ENPP2: variants seen among roughly 807,000 people sequenced by gnomAD.
ENPP2 encodes ectonucleotide pyrophosphatase/phosphodiesterase 2, also known as autotaxin.
Under a neutral mutation model 120.2 loss-of-function variants are expected in ENPP2, and 51 were observed. The ratio of observed to expected loss-of-function variants is 0.42; its 90% CI spans 0.34 to 0.54. The LOEUF is 0.54. Among genes scored for constraint, ENPP2 ranks in the 20% least tolerant of loss-of-function variants. The probability of loss-of-function intolerance (pLI) is 0.04; values close to 1 mark genes in which losing one functional copy is unlikely to be tolerated. For synonymous variants in ENPP2, 365 were observed against 366.4 expected (o/e 1.00, Z 0.04); for missense variants, 920 against 1,066.5 (o/e 0.86, Z 1.91).
intron 19 of ENPP2, chr8:119,572,306 G>A: frequency 7.8e-7 from 1 of 1,285,922 alleles, no homozygotes. Context: ...CATCATTTAA[G>A]TTTTCATGGT....
At position 119,584,045 on chromosome 8, in the gene ENPP2, G is replaced by T. The variant is rs138647379; in HGVS notation, c.1372C>A (p.Pro458Thr). 2 of 1,603,984 alleles carry T rather than the reference G, an allele frequency of 1.2e-6. No homozygotes were observed. Among genetic ancestry groups the T allele is most frequent in the South Asian group, 1.1e-5 (1 of 90,606 alleles). Residue 458 changes from proline to threonine, a missense_variant, in exon 16 of 25, where the codon CCT becomes ACT. Pro to Thr is a conservative substitution (Grantham distance 38). Coordinates refer to ENST00000075322, the MANE Select transcript of ENPP2 (RefSeq NM_001040092.3). ...VERRWHVARK[P>T]LDVYKKPSGK... ...GATGGTTTCTTATAAACATCCAAAG[G>T]TTTCCTAAATTGAAACAATTTCATG...
rs375370855 is a variant in ENPP2 at position 119,590,547 on chromosome 8, T to C, written c.1165A>G (p.Thr389Ala). 1.3e-6 allele frequency: 2 copies of C among 1,599,222 alleles called. No homozygotes were observed. The highest frequency in any genetic ancestry group is 8.5e-7 in the Non-Finnish European group (1 of 1,173,354). The change falls in exon 13 of 25, where the codon ACT becomes GCT. Residue 389 changes from threonine to alanine, a missense_variant. Physicochemically the swap from Thr to Ala is moderately conservative, Grantham distance 58. Coordinates refer to ENST00000075322, the MANE Select transcript of ENPP2 (RefSeq NM_001040092.3). ...AATTTGGATCGAATTCTTCCTAGAG[T>C]TCCAGGCACTAAAGTAATATCATCC... ...NVDDITLVPG[T>A]LGRIRSKFSN...
intron 8 of ENPP2, among the ~76,000 whole-genome samples, chr8:119,611,591 G>A (rs914170889): frequency 2.0e-5 from 3 of 152,172 alleles, no homozygotes; most frequent in East Asian, 1.9e-4. Context: ...ATATGCCCCC[G>A]AAGGAAACAA....
In ENPP2 at chr8:119,627,868, AT is replaced by A. The variant is rs1563751251; in HGVS notation, c.137-1149del. ...CAGAGTGAAACTCCGTCTTAAAAAT[AT>A]ATATATATATATATATATATGATCT... On this transcript the variant is annotated intron_variant, in intron 2 of 24. Transcript: ENST00000075322. Among the ~76,000 whole-genome samples the A allele has an allele frequency of 3.8e-3, 86 of 22,522 alleles. No individual in the cohort carries two copies. In the East Asian group the frequency reaches 0.052, roughly 14 times the overall value. 14.8% of individuals were successfully genotyped at this position (22,522 alleles called of 152,430 possible).
intron 1 of ENPP2, among the ~76,000 whole-genome samples, chr8:119,644,623 T>TATATATATATATACAC (rs1563768976): frequency 1.1e-4 from 11 of 97,244 alleles, no homozygotes; most frequent in African/African-American, 4.1e-4. Context: ...TATATATATA[T>TATATATATATATACAC]ATACACACAC....
rs549345635 is a variant in ENPP2, at chr8:119,655,254, T to TGACAC, written c.22-16732_22-16728dup. Reference sequence around the variant, plus strand: ...CCAAGTTGACCTGACATTGCCTCTCTGACACGTCTGTGTCTCTCATAATCC... The same window carrying TGACAC: ...CCAAGTTGACCTGACATTGCCTCTCTGACACGACACGTCTGTGTCTCTCATAATCC... On this transcript the variant is annotated intron_variant, in intron 1 of 25. Transcript: ENST00000427067. Among the ~76,000 whole-genome samples, 28 of 152,362 alleles carry TGACAC rather than the reference T, an allele frequency of 1.8e-4. No homozygotes were observed. The South Asian group carries it at 5.8e-3, about 32-fold the overall frequency.
intron 1 of ENPP2, among the ~76,000 whole-genome samples, chr8:119,663,495 T>C (rs2130901881): frequency 6.6e-6 from 1 of 152,332 alleles, no homozygotes; most frequent in South Asian, 2.1e-4. Context: ...TTTATTGTTT[T>C]TGTCTCTTTT....
In ENPP2 at chr8:119,626,148, A is replaced by C. The variant is rs60598764; in HGVS notation, c.292+417T>G. On this transcript the variant is annotated intron_variant, in intron 3 of 24. Transcript: ENST00000075322. Reference sequence around the variant, plus strand: ...TGAGGCGGGAAGATGGCTTGAAGCCAGGAGTTCAAGACCAACCTGACCAAC... The same window carrying C: ...TGAGGCGGGAAGATGGCTTGAAGCCCGGAGTTCAAGACCAACCTGACCAAC... Among the ~76,000 whole-genome samples the C allele has an allele frequency of 2.8e-3, 433 of 152,320 alleles. 5 individuals are homozygous for C. Among genetic ancestry groups the C allele is most frequent in the African/African-American group, 8.8e-3 (365 of 41,586 alleles).
chr8:119,642,273 T>C (rs979274188), upstream of ENPP2, among the ~76,000 whole-genome samples: 4 of 152,248 alleles, frequency 2.6e-5, no homozygotes, highest in African/African-American at 2.4e-5. Context: ...AGTAAATTTT[T>C]TTATTTAAGT....
At chr8:119,574,149 T>A (rs373562149) in intron 19 of ENPP2, among the ~76,000 whole-genome samples, 26 of 152,106 alleles carry the variant, frequency 1.7e-4, no homozygotes, top group African/African-American at 5.8e-4. Context: ...TTTCAGTTTA[T>A]CAAAGTATCA....
rs1812825927 is a variant in ENPP2 at position 119,582,591 on chromosome 8, A to G, written c.1555T>C (p.Leu519=). Residue 519 remains leucine (L), a synonymous_variant, in exon 18 of 25, where the codon TTG becomes CTG. Transcript: ENST00000075322. ...GTCCCATTATTAGGAGCTGGCTTCA[A>G]TCCCAGGAGATCTAATGAAAATTAA... is the stretch of plus-strand genomic sequence containing the variant. ...LYNVMCDLLG[L]KPAPNNGTHG... 4 of 1,610,396 alleles carry G rather than the reference A, an allele frequency of 2.5e-6. No homozygotes were observed. The highest frequency in any genetic ancestry group is 2.5e-6 in the Non-Finnish European group (3 of 1,177,222).
At chr8:119,583,628 G>A in intron 17 of ENPP2, 89 bp downstream of exon 17, 1 of 736,248 alleles carries the variant, frequency 1.4e-6, no homozygotes, top group East Asian at 2.5e-5. Context: ...CCAGAAAATA[G>A]ACACCTCATT....
At position 119,572,121 on chromosome 8, in the gene ENPP2, T is replaced by C. The variant is rs377115360; in HGVS notation, c.1781-1280A>G. The C allele has an allele frequency of 5.9e-5, 54 of 920,554 alleles. No homozygotes were observed. The East Asian group carries it at 1.3e-3, about 21-fold the overall frequency. 57.0% of individuals were successfully genotyped at this position (920,554 alleles called of 1,614,324 possible). On this transcript the variant is annotated intron_variant, in intron 19 of 24. Transcript: ENST00000075322. ...ATAAAACACCAGCAAATCGTAACAG[T>C]AGTACTTAGGGGCAGTAAAACAACC...
At chr8:119,598,501 C>T (rs376943785) in intron 11 of ENPP2, among the ~76,000 whole-genome samples, 2 of 152,106 alleles carry the variant, frequency 1.3e-5, no homozygotes, top group Non-Finnish European at 1.5e-5. Flanking sequence ...TCCTGTATGC[C>T]GCTTCATTTA....
At chr8:119,601,534 C>T in intron 9 of ENPP2, 72 bp from the exon 10 acceptor site, 1 of 1,102,820 alleles carries the variant, frequency 9.1e-7, no homozygotes, top group Non-Finnish European at 1.4e-6. Flanking sequence ...GGAGTGCTCG[C>T]TCTTGCACCC....
chr8:119,619,324 A>G lies in ENPP2; in HGVS notation c.419-20T>C, dbSNP rs1323297117. On this transcript the variant is annotated intron_variant, in intron 4 of 24. Coordinates refer to ENST00000075322, the MANE Select transcript of ENPP2 (RefSeq NM_001040092.3). ...ACTCTCCTATAAGGAAAAATGGGTA[A>G]ATGTATTGTTGAATCTAATTACAAA... 3.8e-6 allele frequency: 6 copies of G among 1,563,512 alleles called. No individual in the cohort carries two copies. The highest frequency in any genetic ancestry group is 5.3e-6 in the Non-Finnish European group (6 of 1,134,288).
chr8:119,591,581 G>A (rs549281491), intron 12 of ENPP2, among the ~76,000 whole-genome samples: 1 of 152,226 alleles, frequency 6.6e-6, no homozygotes, highest in South Asian at 2.1e-4. Flanking sequence ...AAATAACCCT[G>A]TTGGAGAATA....
At chr8:119,656,391 C>A (rs1455875949) in intron 1 of ENPP2, among the ~76,000 whole-genome samples, 1 of 152,120 alleles carries the variant, frequency 6.6e-6, no homozygotes, top group East Asian at 1.9e-4. Flanking sequence ...TCTCTGTATT[C>A]GTTCCTCTCA....
chr8:119,621,625 A>T, intron 3 of ENPP2, 106 bp from the exon 4 acceptor site: 1 of 1,195,286 alleles, frequency 8.4e-7, no homozygotes, highest in South Asian at 1.4e-5. Flanking sequence ...ATCTCACATC[A>T]TTTACTCTGC....
Sources: allele counts gnomAD v4.1 joint callset (sites outside exome capture counted in the v4.1 genomes callset), GRCh38; gene constraint gnomAD v4.1.1; transcripts MANE v1.5; gene names NCBI Gene and HGNC (gene_info 2026-07-23, HGNC 2026-07-21).